Variants in PCDHA2 observed in about 807,000 individuals in gnomAD.
PCDHA2 encodes the protein protocadherin alpha 2, also known as protocadherin alpha-2.
In PCDHA2, 58 loss-of-function variants were observed where a neutral mutation model predicts 66.0. That is an observed-to-expected ratio of 0.88 (90% CI 0.71 to 1.09). The LOEUF is 1.09. Among genes scored for constraint, PCDHA2 ranks in the 50% least tolerant of loss-of-function variants. The pLI, the probability that PCDHA2 is intolerant of heterozygous loss-of-function variation, is 0.00. For synonymous variants in PCDHA2, 634 were observed against 554.0 expected (o/e 1.14, Z -2.03); for missense variants, 1,267 against 1,242.3 (o/e 1.02, Z -0.30).
chr5:140,869,199 C>T, intron 1 of PCDHA2: 1 of 1,614,024 alleles, frequency 6.2e-7, no homozygotes, highest in Non-Finnish European at 8.5e-7. Context: ...GCCAGCTCCA[C>T]TACTCCGTCT....
At chr5:140,993,450 CTTCT>C (rs1279887965) in intron 3 of PCDHA2, among the ~76,000 whole-genome samples, 2 of 137,074 alleles carry the variant, frequency 1.5e-5, no homozygotes, top group South Asian at 2.5e-4. Flanking sequence ...TCCTGTTCTC[CTTCT>C]TTCTTTCTCA....
chr5:140,871,160 C>A, intron 1 of PCDHA2: 1 of 1,613,470 alleles, frequency 6.2e-7, no homozygotes, highest in Non-Finnish European at 8.5e-7. Context: ...GCGGGCGCCG[C>A]GAGCCCAGAG....
At position 140,802,522 on chromosome 5, in the gene PCDHA2, C is replaced by T. The variant is rs781874116; in HGVS notation, c.2388+5170C>T. On this transcript the variant is annotated intron_variant, in intron 1 of 3. Transcript: ENST00000526136. ...TCACTGTGGGCCACGGCCAGCGTGT[C>T]CGTGGAGGTGGCCGACGTGAACGAC... is the stretch of plus-strand genomic sequence containing the variant. 2.5e-6 allele frequency: 4 copies of T among 1,614,158 alleles called. No homozygotes were observed. In the South Asian group the frequency reaches 4.4e-5, roughly 18 times the overall value.
At chr5:140,988,501 A>G (rs966150033) in intron 3 of PCDHA2, among the ~76,000 whole-genome samples, 3 of 152,164 alleles carry the variant, frequency 2.0e-5, no homozygotes, top group Non-Finnish European at 2.9e-5. Context: ...AGGAGAAGCC[A>G]TGAAGCTTAC....
chr5:140,826,952 G>A (rs1202184500), intron 1 of PCDHA2, among the ~76,000 whole-genome samples: 1 of 152,130 alleles, frequency 6.6e-6, no homozygotes, highest in Non-Finnish European at 1.5e-5. Context: ...AATAAGGCAA[G>A]CCAGGGAAAA....
chr5:140,988,558 T>C lies in PCDHA2; in HGVS notation c.2536+5995T>C, dbSNP rs982984587. ...CCATTCATGACTTTCTTCATCTTCT[T>C]CTTGGGAAAACACTCTGTACCTTCC... On this transcript the variant is annotated intron_variant, in intron 3 of 3. Transcript: ENST00000526136. 3.9e-5 allele frequency among the ~76,000 whole-genome samples: 6 copies of C among 152,198 alleles called. 1 individual carries two copies. Among genetic ancestry groups the C allele is most frequent in the Admixed American group, 3.9e-4 (6 of 15,276 alleles).
At chr5:140,830,047 A>AGAC in intron 1 of PCDHA2, 1 of 1,613,730 alleles carries the variant, frequency 6.2e-7, no homozygotes, top group Non-Finnish European at 8.5e-7. Context: ...TGCTGGTGAA[A>AGAC]GACCACGGTG....
rs1053041034 is a variant in PCDHA2 at position 141,011,123 on chromosome 5, T to G, written c.*1186T>G. ...CTCTCTCTTTTCTAAGAAACAATTA[T>G]GTGCACTTTGATACACAACCTTCTC... is the stretch of plus-strand genomic sequence containing the variant. On this transcript the variant is annotated 3_prime_UTR_variant, in exon 4 of 4. Coordinates refer to ENST00000526136, the MANE Select transcript of PCDHA2 (RefSeq NM_018905.3). 3 of 153,884 alleles carry G rather than the reference T, an allele frequency of 1.9e-5. No homozygotes were observed. The Admixed American group carries it at 2.0e-4, about 10-fold the overall frequency. The allele number at this position is 153,884 out of a possible 1,614,324, so 9.5% of individuals were successfully genotyped here.
At chr5:140,950,168 T>C (rs2094454639) in intron 1 of PCDHA2, among the ~76,000 whole-genome samples, 1 of 151,996 alleles carries the variant, frequency 6.6e-6, no homozygotes, top group Non-Finnish European at 1.5e-5. Context: ...TTATGTACTT[T>C]AGAGAATTAA....
rs782137049 is a variant in PCDHA2 at position 140,796,264 on chromosome 5, T to G, written c.1300T>G (p.Ser434Ala). Residue 434 changes from serine (S) to alanine (A), a missense_variant, in exon 1 of 4, where the codon TCA becomes GCA. Ser to Ala is a moderately conservative substitution (Grantham distance 99). Transcript: ENST00000526136. ...VVTARDGGSP[S>A]LWATTSVSIE... ...GACCGCACGGGACGGGGGCTCGCCT[T>G]CACTGTGGGCCACCACCAGCGTGTC... 6.2e-7 allele frequency: 1 copy of G among 1,614,108 alleles called. No homozygotes were observed. Among genetic ancestry groups the G allele is most frequent in the Non-Finnish European group, 8.5e-7 (1 of 1,180,042 alleles).
chr5:140,849,786 G>A, intron 1 of PCDHA2: 3 of 1,598,490 alleles, frequency 1.9e-6, no homozygotes, highest in African/African-American at 1.3e-5. Context: ...GCGGGACGGG[G>A]GCTCGCCTTC....
At chr5:140,955,155 C>T (rs1241099289) in intron 1 of PCDHA2, among the ~76,000 whole-genome samples, 1 of 152,088 alleles carries the variant, frequency 6.6e-6, no homozygotes, top group Non-Finnish European at 1.5e-5. Context: ...GTACCAGTAC[C>T]GTGCTGTTTT....
At chr5:140,834,962 A>G (rs1773396463) in intron 1 of PCDHA2, 1 of 1,519,622 alleles carries the variant, frequency 6.6e-7, no homozygotes, top group East Asian at 2.4e-5. Context: ...AACCTCTTGG[A>G]CTTGTATTAC....
intron 1 of PCDHA2, chr5:140,809,262 C>A: frequency 1.9e-6 from 3 of 1,614,084 alleles, no homozygotes; most frequent in South Asian, 1.1e-5. Flanking sequence ...CCCGATGCTG[C>A]GCTGGTGGAT....
At chr5:140,797,389 G>A in intron 1 of PCDHA2, 37 bp downstream of exon 1, 1 of 1,585,462 alleles carries the variant, frequency 6.3e-7, no homozygotes, top group Admixed American at 1.8e-5. Context: ...TTCTAAAATT[G>A]TTCTTTTTAA....
rs1472769366 is a variant in PCDHA2, at chr5:140,928,640, T to C, written c.2389-50309T>C. On this transcript the variant is annotated intron_variant, in intron 1 of 3. Transcript: ENST00000526136. ...AGGACTGGACACTTGGTCACAAAAG[T>C]GGTAGCAGAGGATGCTGACAGTGGT... The C allele has an allele frequency of 1.2e-6, 2 of 1,614,096 alleles. No individual in the cohort carries two copies. Among genetic ancestry groups the C allele is most frequent in the African/African-American group, 2.7e-5 (2 of 74,930 alleles).
At chr5:140,957,725 A>T (rs1385506394) in intron 1 of PCDHA2, among the ~76,000 whole-genome samples, 1 of 152,156 alleles carries the variant, frequency 6.6e-6, no homozygotes, top group Non-Finnish European at 1.5e-5. Context: ...AAAGAAGCAG[A>T]ATTATATATA....
At position 140,928,478 on chromosome 5, in the gene PCDHA2, A is replaced by T. The variant is rs1554205922; in HGVS notation, c.2389-50471A>T. Reference sequence around the variant, plus strand: ...TTTCATTTCCAAGTAGAAGGCCGGGATGGTGGCATTCCTCCCAGAAGTGCA... The same window carrying T: ...TTTCATTTCCAAGTAGAAGGCCGGGTTGGTGGCATTCCTCCCAGAAGTGCA... On this transcript the variant is annotated intron_variant, in intron 1 of 3. Coordinates refer to ENST00000526136, the MANE Select transcript of PCDHA2 (RefSeq NM_018905.3). 2.5e-5 allele frequency: 40 copies of T among 1,614,132 alleles called. No individual in the cohort carries two copies. The highest frequency in any genetic ancestry group is 3.3e-5 in the Non-Finnish European group (39 of 1,180,008).
chr5:140,928,675 T>C (rs782241604), intron 1 of PCDHA2: 1 of 1,614,210 alleles, frequency 6.2e-7, no homozygotes, highest in South Asian at 1.1e-5. Flanking sequence ...TTCTAATGCC[T>C]GGCTTTCCTA....
Sources: allele counts gnomAD v4.1 joint callset (sites outside exome capture counted in the v4.1 genomes callset), GRCh38; gene constraint gnomAD v4.1.1; transcripts MANE v1.5; gene names NCBI Gene and HGNC (gene_info 2026-07-23, HGNC 2026-07-21).